Variants in ALS2 observed in about 807,000 individuals in gnomAD.
ALS2 encodes alsin Rho guanine nucleotide exchange factor ALS2.
A neutral mutation model predicts 203.4 loss-of-function variants in ALS2; 117 were observed. That is an observed-to-expected ratio of 0.58 (90% CI 0.50 to 0.67). The LOEUF is 0.67. Ranked by LOEUF, ALS2 falls within the 30% of genes least tolerant of loss-of-function variation. The pLI, the probability that ALS2 is intolerant of heterozygous loss-of-function variation, is 0.00. For missense variants in ALS2, 1,715 were observed against 1,989.4 expected, an observed-to-expected ratio of 0.86 and a Z score of 2.62; for synonymous variants, 718 against 725.9, an observed-to-expected ratio of 0.99 and a Z score of 0.17.
chr2:201,726,795 A>G lies in ALS2; in HGVS notation c.3051T>C (p.Tyr1017=), dbSNP rs1204048619. ...GTCTCTGAACACTGCTACCACTTCCATAAGGGGGGAGATCAGACATCCCTC... is the reference window on the plus strand; with the variant it reads ...GTCTCTGAACACTGCTACCACTTCCGTAAGGGGGGAGATCAGACATCCCTC... ...ALRGMSDLPP[Y]GSGSSVQRQE... is the part of the protein sequence containing the mutation. The change falls in exon 18 of 34, where the codon TAT becomes TAC. Residue 1017 remains tyrosine (Y), a synonymous_variant. Transcript: ENST00000264276. The G allele has an allele frequency of 2.5e-6, 4 of 1,614,188 alleles. No homozygotes were observed. Among genetic ancestry groups the G allele is most frequent in the Admixed American group, 3.3e-5 (2 of 60,012 alleles).
intron 11 of ALS2, among the ~76,000 whole-genome samples, chr2:201,740,196 A>C (rs532984550): frequency 6.6e-6 from 1 of 152,182 alleles, no homozygotes; most frequent in African/African-American, 2.4e-5. Flanking sequence ...ATGTGCTGGC[A>C]TGCACCTGTA....
At chr2:201,758,086 A>C (rs973517398) in intron 4 of ALS2, among the ~76,000 whole-genome samples, 1 of 152,224 alleles carries the variant, frequency 6.6e-6, no homozygotes, top group Admixed American at 6.5e-5. Flanking sequence ...AAGGCATGGA[A>C]AACACTGCCT....
chr2:201,764,633 CAAAATAAA>C (rs1372013545), intron 3 of ALS2, among the ~76,000 whole-genome samples: 20 of 116,894 alleles, frequency 1.7e-4, no homozygotes, highest in Non-Finnish European at 2.9e-4. Context: ...GACTCCGTCT[CAAAATAAA>C]TAAATAAATA....
rs981786338 is a variant in ALS2, at chr2:201,754,559, C to T, written c.1584G>A (p.Val528=). ...CTTCCTTCCCTTTCCCCCAGGTCCA[C>T]ACTTCTGTTCTCAGAGAAGGCAGGA... The part of the protein sequence containing the change: ...DALLPSLRTE[V]WTWGKGKEGQ... The change falls in exon 6 of 34, where the codon GTG becomes GTA. Residue 528 remains valine (V), a synonymous_variant. Coordinates refer to ENST00000264276, the MANE Select transcript of ALS2 (RefSeq NM_020919.4). The T allele has an allele frequency of 1.2e-6, 2 of 1,614,000 alleles. No individual in the cohort carries two copies. Among genetic ancestry groups the T allele is most frequent in the Non-Finnish European group, 1.7e-6 (2 of 1,180,026 alleles).
intron 3 of ALS2, among the ~76,000 whole-genome samples, chr2:201,766,647 T>C (rs371261621): frequency 8.7e-5 from 13 of 148,968 alleles, no homozygotes; most frequent in African/African-American, 2.7e-4. Flanking sequence ...AAAACTCAGT[T>C]TCAAAAAAAA....
chr2:201,757,363 C>T (rs2106079828), intron 5 of ALS2, 39 bp downstream of exon 5: 1 of 1,546,038 alleles, frequency 6.5e-7, no homozygotes, highest in Non-Finnish European at 8.9e-7. Context: ...ATCCTGGATT[C>T]CCCAAAAGTC....
In ALS2 at chr2:201,733,314, CG is replaced by C. The variant is rs769779789; in HGVS notation, c.2541del (p.Tyr847Ter). ...GTAGCAAGCTTTAGCAAAACTTTTG[CG>C]TAATTATGAAGTCGTCTGATTGGCA... is the stretch of plus-strand genomic sequence containing the variant. ...FFLPIRRLHN[Y>X]AKVLLKLATC... On this transcript the variant is annotated frameshift_variant, in exon 13 of 34. Coordinates refer to ENST00000264276, the MANE Select transcript of ALS2 (RefSeq NM_020919.4). LOFTEE classifies it high-confidence loss of function. 1 of 1,613,756 alleles carries C rather than the reference CG, an allele frequency of 6.2e-7. No individual in the cohort carries two copies. The highest frequency in any genetic ancestry group is 1.1e-5 in the South Asian group (1 of 91,076).
rs1381259990 is a variant in ALS2 at position 201,768,945 on chromosome 2, C to T, written c.-60G>A. ...CTTCTTTACAGAAAGTCTATCAAGA[C>T]CTAAACAGTACAAGTAAGGAAAAGA... is the stretch of plus-strand genomic sequence containing the variant. On this transcript the variant is annotated splice_region_variant and 5_prime_UTR_variant, in exon 2 of 34. Coordinates refer to ENST00000264276, the MANE Select transcript of ALS2 (RefSeq NM_020919.4). The T allele has an allele frequency of 1.6e-5, 25 of 1,522,732 alleles. No homozygotes were observed. The highest frequency in any genetic ancestry group is 1.9e-5 in the Non-Finnish European group (21 of 1,098,906). The allele number at this position is 1,522,732 out of a possible 1,614,324, so 94.3% of individuals were successfully genotyped here.
At chr2:201,743,070 C>CA (rs760707229) in intron 10 of ALS2, among the ~76,000 whole-genome samples, 68,238 of 114,412 alleles carry the variant, frequency 0.6, 19,265 homozygotes, top group Non-Finnish European at 0.68. Flanking sequence ...GACTCTGTCT[C>CA]AAAAAAAAAA....
At chr2:201,748,299 T>A (rs1270826640) in intron 8 of ALS2, among the ~76,000 whole-genome samples, 2 of 152,184 alleles carry the variant, frequency 1.3e-5, no homozygotes, top group African/African-American at 4.8e-5. Context: ...AATAACGGAC[T>A]TCCCATTCAT....
At chr2:201,704,239 T>C in intron 32 of ALS2, 21 bp from the exon 33 acceptor site, 1 of 1,601,686 alleles carries the variant, frequency 6.2e-7, no homozygotes, top group Non-Finnish European at 8.6e-7. Flanking sequence ...GAGAAAAAGA[T>C]GCTGAGTTAT....
At chr2:201,742,624 G>A (rs900785823) in intron 10 of ALS2, among the ~76,000 whole-genome samples, 2 of 152,182 alleles carry the variant, frequency 1.3e-5, no homozygotes, top group Non-Finnish European at 2.9e-5. Context: ...AGCCTACCTA[G>A]AGGAGGGGAA....
intron 1 of ALS2, among the ~76,000 whole-genome samples, chr2:201,776,571 T>G (rs1305517563): frequency 6.6e-6 from 1 of 152,196 alleles, no homozygotes; most frequent in African/African-American, 2.4e-5. Context: ...TGCCTGTTAT[T>G]ACATGGTACA....
Position 201,753,237 on chromosome 2 carries a change from T to G in ALS2, c.1646A>C (p.Gln549Pro). Residue 549 changes from glutamine to proline, a missense_variant, in exon 7 of 34, where the codon CAA (glutamine) becomes CCA (proline). This residue lies in a region of ALS2 where 1,227 missense variants were observed against 1,413.5 expected (regional missense o/e 0.87). Transcript: ENST00000264276. ...LGHGDVLPRLQPLCVKCLDGK... is the reference protein window; with the variant it reads ...LGHGDVLPRLPPLCVKCLDGK... The stretch of plus-strand genomic sequence containing the variant: ...ATCCAGACATTTTACACACAACGGT[T>G]GAAGCCTTAAAAAGAAACACACAGG... 1 of 1,613,916 alleles carries G rather than the reference T, an allele frequency of 6.2e-7. No homozygotes were observed. Among genetic ancestry groups the G allele is most frequent in the East Asian group, 2.2e-5 (1 of 44,872 alleles).
intron 27 of ALS2, among the ~76,000 whole-genome samples, chr2:201,709,276 T>A (rs1195979702): frequency 6.6e-6 from 1 of 152,180 alleles, no homozygotes; most frequent in African/African-American, 2.4e-5. Context: ...CATCTAGTAC[T>A]CTTTCCCTTT....
Position 201,718,175 on chromosome 2 carries a change from T to C in ALS2, c.3738A>G (p.Glu1246=). 1 of 1,613,618 alleles carries C rather than the reference T, an allele frequency of 6.2e-7. No individual in the cohort carries two copies. Among genetic ancestry groups the C allele is most frequent in the Non-Finnish European group, 8.5e-7 (1 of 1,179,564 alleles). Residue 1246 remains glutamate, a synonymous_variant, in exon 24 of 34, where the codon GAA becomes GAG. Coordinates refer to ENST00000264276, the MANE Select transcript of ALS2 (RefSeq NM_020919.4). ...TLTMPNGDYI[E]GYFSGEWGSG... is the part of the protein sequence containing the mutation. ...ATCCCCATTCTCCACTAAAATAACC[T>C]TCAATGTAGTCTCCATTTGGCATAG...
intron 20 of ALS2, among the ~76,000 whole-genome samples, chr2:201,724,818 T>C (rs2106002206): frequency 6.6e-6 from 1 of 152,014 alleles, no homozygotes. Context: ...GTTTATAAGG[T>C]ATATAAAATT....
intron 28 of ALS2, among the ~76,000 whole-genome samples, chr2:201,707,522 C>T (rs1186481420): frequency 6.6e-6 from 1 of 152,014 alleles, no homozygotes; most frequent in Non-Finnish European, 1.5e-5. Context: ...TTTAACCTCC[C>T]AGGCCCAAGT....
At chr2:201,728,914 T>G in intron 14 of ALS2, 138 bp downstream of exon 14, 1 of 1,346,546 alleles carries the variant, frequency 7.4e-7, no homozygotes, top group Non-Finnish European at 1.1e-6. Context: ...CCCATTAGTA[T>G]GGTCCTTAGA....
Sources: allele counts gnomAD v4.1 joint callset (sites outside exome capture counted in the v4.1 genomes callset), GRCh38; gene constraint gnomAD v4.1.1; regional missense constraint gnomAD v4.1.1; transcripts MANE v1.5; gene names NCBI Gene and HGNC (gene_info 2026-07-23, HGNC 2026-07-21).